FAM13B: variants seen among roughly 807,000 people sequenced by gnomAD.
FAM13B encodes family with sequence similarity 13 member B, also known as protein FAM13B.
A neutral mutation model predicts 117.3 loss-of-function variants in FAM13B; 60 were observed. The ratio of observed to expected loss-of-function variants is 0.51; its 90% CI spans 0.42 to 0.63. FAM13B has a LOEUF of 0.63. FAM13B is among the 30% of genes least tolerant of loss of function. The pLI, the probability that FAM13B is intolerant of heterozygous loss-of-function variation, is 0.00. For synonymous variants in FAM13B, 332 were observed against 356.1 expected (o/e 0.93, Z 0.76); for missense variants, 972 against 1,091.9 (o/e 0.89, Z 1.55).
upstream of FAM13B, chr5:138,036,269 C>T (rs1042444625): frequency 2.4e-5 from 9 of 374,168 alleles, no homozygotes; most frequent in Non-Finnish European, 4.3e-5. Flanking sequence ...AGCGTCTGGA[C>T]GAAGGAGAGC....
chr5:137,955,275 T>G (rs1012978009), intron 14 of FAM13B, among the ~76,000 whole-genome samples: 1 of 152,224 alleles, frequency 6.6e-6, no homozygotes, highest in African/African-American at 2.4e-5. Flanking sequence ...AATTCTAATA[T>G]TCCCAAAGGA....
rs572249528 is a variant in FAM13B, at chr5:138,051,022, G to C, written c.-203+856C>G. Among the ~76,000 whole-genome samples, 14 of 145,744 alleles carry C rather than the reference G, an allele frequency of 9.6e-5. No homozygotes were observed. The East Asian group carries it at 1.6e-3, about 16-fold the overall frequency. Reference sequence around the variant, plus strand: ...AGAAAAGCATATGTAGCATATTAGTGGGGGGGGGAGAATGAAAAGCAAAAC... The same window carrying C: ...AGAAAAGCATATGTAGCATATTAGTCGGGGGGGGAGAATGAAAAGCAAAAC... On this transcript the variant is annotated intron_variant, in intron 1 of 3. Coordinates refer to the FAM13B transcript ENST00000502471.
chr5:137,988,231 T>C (rs745361577), intron 8 of FAM13B, 43 bp downstream of exon 8: 2 of 1,418,622 alleles, frequency 1.4e-6, no homozygotes, highest in Non-Finnish European at 1.9e-6. Context: ...TTAGTAGTAT[T>C]TTAAAATCTT....
chr5:137,989,554 G>A (rs1420244686), intron 7 of FAM13B, among the ~76,000 whole-genome samples: 2 of 152,162 alleles, frequency 1.3e-5, no homozygotes, highest in African/African-American at 4.8e-5. Flanking sequence ...ACTAGGTGTA[G>A]TGGTTCATGC....
chr5:138,024,984 C>A (rs1787897444), intron 1 of FAM13B, among the ~76,000 whole-genome samples: 1 of 151,820 alleles, frequency 6.6e-6, no homozygotes, highest in Non-Finnish European at 1.5e-5. Flanking sequence ...GATTCTCGTG[C>A]CTCAGCCTCC....
At chr5:138,004,405 T>C (rs1296898099) in intron 7 of FAM13B, among the ~76,000 whole-genome samples, 3 of 152,206 alleles carry the variant, frequency 2.0e-5, no homozygotes, top group African/African-American at 7.2e-5. Context: ...TTAGCCTTGC[T>C]GGTAATTACA....
chr5:137,956,756 A>AG (rs1561746512), intron 13 of FAM13B, among the ~76,000 whole-genome samples: 2 of 131,022 alleles, frequency 1.5e-5, no homozygotes, highest in African/African-American at 5.8e-5. Context: ...CAATGCAAAA[A>AG]AGGGGGGGGA....
At chr5:137,994,160 G>T (rs1779303863) in intron 7 of FAM13B, among the ~76,000 whole-genome samples, 1 of 152,166 alleles carries the variant, frequency 6.6e-6, no homozygotes, top group Non-Finnish European at 1.5e-5. Context: ...GATTATTACT[G>T]CAAGAGTAAA....
chr5:137,942,780 T>G, intron 22 of FAM13B, 95 bp downstream of exon 22: 1 of 1,012,818 alleles, frequency 9.9e-7, no homozygotes, highest in Non-Finnish European at 1.4e-6. Context: ...TTGATTCATC[T>G]CCTATTAATT....
chr5:138,048,413 C>G (rs1791701264), intron 1 of FAM13B, among the ~76,000 whole-genome samples: 1 of 152,046 alleles, frequency 6.6e-6, no homozygotes, highest in Admixed American at 6.6e-5. Flanking sequence ...AGGTGTGACC[C>G]CGCACCCCTA....
chr5:138,019,333 G>A (rs940112045), intron 2 of FAM13B, among the ~76,000 whole-genome samples, 187 bp from the exon 3 acceptor site: 5 of 152,156 alleles, frequency 3.3e-5, no homozygotes, highest in African/African-American at 9.7e-5. Context: ...TCCCTATTAC[G>A]AAGAGTTAGT....
At chr5:138,009,939 A>G (rs1783554820) in intron 6 of FAM13B, among the ~76,000 whole-genome samples, 1 of 152,162 alleles carries the variant, frequency 6.6e-6, no homozygotes, top group Non-Finnish European at 1.5e-5. Context: ...AAACTTATTC[A>G]GTTCACACCT....
At chr5:137,946,847 T>C (rs1232281048) in intron 18 of FAM13B, among the ~76,000 whole-genome samples, 3 of 152,242 alleles carry the variant, frequency 2.0e-5, no homozygotes, top group African/African-American at 7.2e-5. Context: ...TCTAAACCAT[T>C]AAGAAAATCT....
At chr5:137,954,112 A>T in intron 15 of FAM13B, 54 bp downstream of exon 15, 1 of 1,274,114 alleles carries the variant, frequency 7.8e-7, no homozygotes, top group Non-Finnish European at 1.1e-6. Flanking sequence ...ATCTCTCAAA[A>T]GACTTGGGTA....
At chr5:137,957,540 C>CA (rs35104775) in intron 13 of FAM13B, among the ~76,000 whole-genome samples, 2,934 of 53,038 alleles carry the variant, frequency 0.055, 86 homozygotes, top group East Asian at 0.21. Flanking sequence ...AACTCCGTCT[C>CA]AAAAAAAAAA....
intron 7 of FAM13B, among the ~76,000 whole-genome samples, chr5:138,006,119 G>A (rs1409582162): frequency 3.9e-5 from 6 of 151,902 alleles, no homozygotes; most frequent in East Asian, 1.9e-4. Context: ...GGATGGTCTC[G>A]ATCTCCTGAC....
chr5:137,942,023 A>C lies in FAM13B; in HGVS notation c.2611T>G (p.Trp871Gly). Residue 871 changes from tryptophan to glycine, a missense_variant, in exon 23 of 24, where the codon TGG becomes GGG. Transcript: ENST00000689681. ...ASMPELLEQL[W>G]KARAEKKKLR... ...TTCTTTTTTTCAGCTCTGGCTTTCCAAAGTTGTTCCAATAATTCAGGCCTA... is the reference window on the plus strand; with the variant it reads ...TTCTTTTTTTCAGCTCTGGCTTTCCCAAGTTGTTCCAATAATTCAGGCCTA... The C allele has an allele frequency of 1.2e-6, 2 of 1,613,980 alleles. No homozygotes were observed. Among genetic ancestry groups the C allele is most frequent in the Non-Finnish European group, 1.7e-6 (2 of 1,179,994 alleles).
intron 17 of FAM13B, among the ~76,000 whole-genome samples, chr5:137,951,427 G>A (rs1171716192): frequency 1.3e-5 from 2 of 152,068 alleles, no homozygotes; most frequent in Non-Finnish European, 2.9e-5. Flanking sequence ...CAAGACCGAG[G>A]TGGGAGAACT....
chr5:138,038,043 T>C (rs2151122250), upstream of FAM13B, among the ~76,000 whole-genome samples: 1 of 152,318 alleles, frequency 6.6e-6, no homozygotes, highest in South Asian at 2.1e-4. Flanking sequence ...CAGTTCCCTC[T>C]CCTATACTGC....
Sources: allele counts gnomAD v4.1 joint callset (sites outside exome capture counted in the v4.1 genomes callset), GRCh38; gene constraint gnomAD v4.1.1; transcripts MANE v1.5; gene names NCBI Gene and HGNC (gene_info 2026-07-23, HGNC 2026-07-21).